The following PIR variants were observed in gnomAD, a reference collection of about 807,000 sequenced individuals.
PIR encodes pirin, also known as pirin (iron-binding nuclear protein).
Under a neutral mutation model 24.2 loss-of-function variants are expected in PIR, and 22 were observed. That is an observed-to-expected ratio of 0.91 (90% CI 0.65 to 1.30). The LOEUF is 1.30. Ranked by LOEUF, PIR falls within the 50% of genes most tolerant of loss-of-function variation. PIR has a pLI of 0.00. For missense variants in PIR, 220 were observed against 220.3 expected, an observed-to-expected ratio of 1.00 and a Z score of 0.01; for synonymous variants, 80 against 79.6, an observed-to-expected ratio of 1.00 and a Z score of -0.03.
In PIR at chrX:15,384,849, T is replaced by C; in HGVS notation, c.*155A>G. The stretch of plus-strand genomic sequence containing the variant: ...TATTTGCATGTGCCAGGAAATATCC[T>C]ACATTTATTGTTACAAAAACCATGT... On this transcript the variant is annotated 3_prime_UTR_variant, in exon 10 of 10. Coordinates refer to ENST00000380420, the MANE Select transcript of PIR (RefSeq NM_001018109.3). 1 of 344,060 alleles carries C rather than the reference T, an allele frequency of 2.9e-6. No individual in the cohort carries two copies. 28.4% of individuals were successfully genotyped at this position (344,060 alleles called of 1,213,427 possible). A position where few individuals can be genotyped will look rare whatever the true frequency, so the allele number is the denominator to read the frequency against.
At chrX:15,411,045 T>A (rs951474260) in intron 6 of PIR, among the ~76,000 whole-genome samples, 5 of 111,820 alleles carry the variant, frequency 4.5e-5, no homozygotes, top group Non-Finnish European at 7.5e-5. Context: ...CCTCCCACTT[T>A]TATGTCCTGC....
intron 3 of PIR, among the ~76,000 whole-genome samples, chrX:15,465,720 G>A (rs1370293354): frequency 9.0e-6 from 1 of 111,661 alleles, no homozygotes; most frequent in African/African-American, 3.3e-5. Context: ...TGTGTTTGGG[G>A]GCAGAAAGAC....
intron 7 of PIR, among the ~76,000 whole-genome samples, chrX:15,403,571 T>C (rs1359841984): frequency 9.0e-6 from 1 of 111,043 alleles, no homozygotes; most frequent in Non-Finnish European, 1.9e-5. Flanking sequence ...TCTGACAATG[T>C]ATTTTTTATT....
chrX:15,459,722 C>T lies in PIR; in HGVS notation c.208G>A (p.Gly70Arg), dbSNP rs748257098. 3 of 1,179,702 alleles carry T rather than the reference C, an allele frequency of 2.5e-6. No individual in the cohort carries two copies. The South Asian group carries it at 5.4e-5, about 21-fold the overall frequency. The change falls in exon 4 of 10, where the codon GGG (glycine) becomes AGG (arginine). Residue 70 changes from glycine (G) to arginine (R), a missense_variant. By Grantham distance (125) the Gly-to-Arg change is moderately radical (BLOSUM62 -2). Coordinates refer to ENST00000380420, the MANE Select transcript of PIR (RefSeq NM_001018109.3). ...GFETVSYLLE[G>R]GSMAHEDFCG... ...AAGTCTTCATGGGCCATGCTGCCCCCTTCCAGGAGGTAGGATACCTTTGAA... is the reference window on the plus strand; with the variant it reads ...AAGTCTTCATGGGCCATGCTGCCCCTTTCCAGGAGGTAGGATACCTTTGAA...
intron 6 of PIR, among the ~76,000 whole-genome samples, chrX:15,415,282 C>T (rs1924876361): frequency 1.8e-5 from 2 of 111,539 alleles, no homozygotes; most frequent in African/African-American, 6.5e-5. Flanking sequence ...GGTGTTAATT[C>T]TTAGGATAGG....
chrX:15,417,794 A>C (rs1452139700), intron 6 of PIR, among the ~76,000 whole-genome samples: 1 of 111,001 alleles, frequency 9.0e-6, no homozygotes, highest in African/African-American at 3.3e-5. Context: ...CTCTGCTTCT[A>C]TTGTCACATG....
intron 3 of PIR, among the ~76,000 whole-genome samples, chrX:15,472,632 G>A (rs922071474): frequency 1.8e-5 from 2 of 111,907 alleles, no homozygotes; most frequent in East Asian, 2.8e-4. Flanking sequence ...AATAAATAGA[G>A]ACAGAAAGTG....
chrX:15,485,686 T>C lies in PIR; in HGVS notation c.96+5476A>G, dbSNP rs142992833. ...TTATCTTGCCAGAAAATTGGTGATA[T>C]GTGTAAGACACACTTTCCCTCCAAA... On this transcript the variant is annotated intron_variant, in intron 2 of 9. Coordinates refer to ENST00000380420, the MANE Select transcript of PIR (RefSeq NM_001018109.3). Among the ~76,000 whole-genome samples the C allele has an allele frequency of 3.5e-3, 394 of 112,154 alleles. 1 individual carries two copies. Among genetic ancestry groups the C allele is most frequent in the African/African-American group, 0.012 (372 of 30,921 alleles).
chrX:15,442,982 A>G (rs1270547295), intron 5 of PIR, among the ~76,000 whole-genome samples: 2 of 112,638 alleles, frequency 1.8e-5, no homozygotes, highest in African/African-American at 6.5e-5. Flanking sequence ...CAGATTTTCA[A>G]TGTAGATGAA....
rs959969392 is a variant in PIR at position 15,408,049 on chromosome X, C to T, written c.566-499G>A. On this transcript the variant is annotated intron_variant, in intron 6 of 9. Coordinates refer to ENST00000380420, the MANE Select transcript of PIR (RefSeq NM_001018109.3). ...GCAACCTCTGCCTCCCAGATTCAAG[C>T]GATTCTCCTGCCTCAGCCTTCCTAG... Among the ~76,000 whole-genome samples the T allele has an allele frequency of 1.1e-4, 12 of 111,523 alleles. 1 individual carries two copies. The highest frequency in any genetic ancestry group is 3.9e-4 in the African/African-American group (12 of 30,615).
intron 5 of PIR, among the ~76,000 whole-genome samples, chrX:15,448,804 C>T (rs1246814953): frequency 8.9e-6 from 1 of 111,892 alleles, no homozygotes; most frequent in East Asian, 2.8e-4. Context: ...GCTCCATCCA[C>T]ACAAGCAGAA....
chrX:15,484,655 T>C (rs1455055655), intron 2 of PIR, among the ~76,000 whole-genome samples: 1 of 111,372 alleles, frequency 9.0e-6, no homozygotes, highest in Non-Finnish European at 1.9e-5. Flanking sequence ...CTGAACAGAT[T>C]GTTGTAGAAA....
intron 6 of PIR, among the ~76,000 whole-genome samples, chrX:15,416,466 TGAGA>T (rs1331550106): frequency 9.0e-6 from 1 of 111,037 alleles, no homozygotes; most frequent in Non-Finnish European, 1.9e-5. Context: ...AAGTCACAAA[TGAGA>T]GAGAGAAAAA....
chrX:15,399,307 T>C (rs1374344818), intron 7 of PIR, among the ~76,000 whole-genome samples: 5 of 112,853 alleles, frequency 4.4e-5, no homozygotes, highest in African/African-American at 6.4e-5. Flanking sequence ...AAACATAATT[T>C]GTGAATTTTG....
At chrX:15,483,164 C>CATATATAT (rs772910331) in intron 2 of PIR, among the ~76,000 whole-genome samples, 1 of 56,937 alleles carries the variant, frequency 1.8e-5, no homozygotes, top group African/African-American at 5.9e-5. Flanking sequence ...ATACATTATA[C>CATATATAT]ATATATATAT....
At chrX:15,443,657 T>C (rs929486418) in intron 5 of PIR, among the ~76,000 whole-genome samples, 4 of 111,775 alleles carry the variant, frequency 3.6e-5, no homozygotes, top group African/African-American at 1.3e-4. Context: ...CTGAAAACCT[T>C]CTGGAAAGGA....
chrX:15,468,142 T>C (rs754242301), intron 3 of PIR, among the ~76,000 whole-genome samples: 5 of 112,734 alleles, frequency 4.4e-5, no homozygotes, highest in Admixed American at 1.9e-4. Flanking sequence ...GTCGGAACTA[T>C]TGTTGCTTAA....
intron 6 of PIR, among the ~76,000 whole-genome samples, chrX:15,416,102 T>C (rs1367253478): frequency 9.0e-6 from 1 of 111,563 alleles, no homozygotes; most frequent in African/African-American, 3.3e-5. Context: ...GAAAATGATG[T>C]TAAACTTCTT....
rs554199837 is a variant in PIR at position 15,397,527 on chromosome X, G to A, written c.615C>T (p.Pro205=). The A allele has an allele frequency of 9.8e-5, 117 of 1,192,212 alleles. No individual in the cohort carries two copies. In the South Asian group the frequency reaches 1.5e-3, roughly 15 times the overall value. Residue 205 remains proline, a synonymous_variant, in exon 8 of 10, where the codon CCC becomes CCT. Transcript: ENST00000380420. ...YTISGDVYIG[P]DDAQQKIEPH... is the part of the protein sequence containing the mutation. ...GTTCTATTTTTTGTTGTGCATCATC[G>A]GGCCCTACAAAACCAATGACACACT...
Sources: allele counts gnomAD v4.1 joint callset (sites outside exome capture counted in the v4.1 genomes callset), GRCh38; gene constraint gnomAD v4.1.1; transcripts MANE v1.5; gene names NCBI Gene and HGNC (gene_info 2026-07-23, HGNC 2026-07-21).